NFATC1: variants seen among roughly 807,000 people sequenced by gnomAD.
NFATC1 encodes the protein nuclear factor of activated T cells 1, also known as nuclear factor of activated T-cells, cytoplasmic 1.
NFATC1 carries 22 observed loss-of-function variants against 76.0 expected under a neutral mutation model. That is an observed-to-expected ratio of 0.29 (90% CI 0.21 to 0.41). NFATC1 has a LOEUF of 0.41. Ranked by LOEUF, NFATC1 falls within the 10% of genes least tolerant of loss-of-function variation. The probability of loss-of-function intolerance (pLI) is 1.00; values close to 1 mark genes in which losing one functional copy is unlikely to be tolerated. For synonymous variants in NFATC1, 704 were observed against 613.1 expected (o/e 1.15, Z -2.19); for missense variants, 1,357 against 1,337.7 (o/e 1.01, Z -0.23).
At chr18:79,400,304 ACGCGGAGGACG>A (rs1416128218) in intron 1 of NFATC1, 1 of 1,273,966 alleles carries the variant, frequency 7.8e-7, no homozygotes, top group African/African-American at 1.6e-5. Flanking sequence ...GGGTCACGTT[ACGCGGAGGACG>A]CGCGGGCAGC....
At chr18:79,518,439 G>A (rs990796681) in intron 9 of NFATC1, among the ~76,000 whole-genome samples, 2 of 152,202 alleles carry the variant, frequency 1.3e-5, no homozygotes, top group African/African-American at 2.4e-5. Context: ...CATGTTTCGC[G>A]CTGCCTGCTT....
chr18:79,426,891 ATTTTGCCTAGGACC>A (rs1397072327), intron 2 of NFATC1, among the ~76,000 whole-genome samples: 1 of 152,322 alleles, frequency 6.6e-6, no homozygotes, highest in Non-Finnish European at 1.5e-5. Context: ...AGCGCCTTGC[ATTTTGCCTAGGACC>A]TTCTTAACTC....
chr18:79,508,137 G>A (rs1452021443), intron 9 of NFATC1, among the ~76,000 whole-genome samples: 1 of 152,216 alleles, frequency 6.6e-6, no homozygotes, highest in African/African-American at 2.4e-5. Flanking sequence ...TATTTTTGTG[G>A]ATTTCAGATT....
intron 1 of NFATC1, among the ~76,000 whole-genome samples, chr18:79,408,150 A>G (rs368895204): frequency 2.0e-5 from 3 of 152,332 alleles, no homozygotes; most frequent in East Asian, 3.9e-4. Context: ...TAGTAAATAC[A>G]GTGGGTTTGT....
chr18:79,513,117 G>C (rs560375568), intron 9 of NFATC1, among the ~76,000 whole-genome samples: 2 of 152,356 alleles, frequency 1.3e-5, no homozygotes, highest in African/African-American at 4.8e-5. Context: ...AGCACTGCCA[G>C]TATTTTAATT....
intron 9 of NFATC1, among the ~76,000 whole-genome samples, chr18:79,526,947 T>C (rs1367385303): frequency 6.6e-6 from 1 of 152,190 alleles, no homozygotes; most frequent in Non-Finnish European, 1.5e-5. Flanking sequence ...GCACATCCCC[T>C]ATCTCAGCGC....
At chr18:79,459,918 C>G (rs2087969953) in intron 6 of NFATC1, among the ~76,000 whole-genome samples, 1 of 152,178 alleles carries the variant, frequency 6.6e-6, no homozygotes, top group Non-Finnish European at 1.5e-5. Flanking sequence ...GTGAAAACGC[C>G]TCTTTCTTCC....
rs747430880 is a variant in NFATC1 at position 79,486,584 on chromosome 18, A to ACCC, written c.2431_2433dup (p.Pro811dup). 1.3e-6 allele frequency: 2 copies of ACCC among 1,589,594 alleles called. No homozygotes were observed. Among genetic ancestry groups the ACCC allele is most frequent in the South Asian group, 2.2e-5 (2 of 89,836 alleles). On this transcript the variant is annotated inframe_insertion, in exon 9 of 10. Coordinates refer to ENST00000427363, the MANE Select transcript of NFATC1 (RefSeq NM_001278669.2). ...GACGTGCCCAGGCCAGTGGCCACGC[A>ACCC]CCCCGGCTCGCCCGGGCAGCCACCC... is the stretch of plus-strand genomic sequence containing the variant.
intron 4 of NFATC1, among the ~76,000 whole-genome samples, chr18:79,449,780 G>T (rs545218566): frequency 9.9e-5 from 15 of 152,218 alleles, no homozygotes; most frequent in Admixed American, 6.5e-4. Flanking sequence ...CCGGGGGTGG[G>T]TGCAGAGGTC....
intron 2 of NFATC1, among the ~76,000 whole-genome samples, chr18:79,419,957 C>G (rs1410476766): frequency 6.6e-6 from 1 of 152,202 alleles, no homozygotes; most frequent in Non-Finnish European, 1.5e-5. Context: ...ATGGGATTTT[C>G]TTTTTTATAA....
chr18:79,443,573 T>G (rs1461570760), intron 3 of NFATC1, among the ~76,000 whole-genome samples: 2 of 152,164 alleles, frequency 1.3e-5, no homozygotes, highest in East Asian at 1.9e-4. Flanking sequence ...GAGAATCCAC[T>G]CAGCAGGCTT....
intron 8 of NFATC1, chr18:79,470,226 G>C (rs913805755): frequency 6.4e-6 from 1 of 155,082 alleles, no homozygotes. Flanking sequence ...GAGGCAGGAC[G>C]GGTGGGTGTG....
intron 8 of NFATC1, chr18:79,470,075 C>A: frequency 1.1e-6 from 1 of 942,786 alleles, no homozygotes; most frequent in Non-Finnish European, 1.3e-6. Context: ...GCAACCCCGG[C>A]TGGGTCTGAG....
chr18:79,523,938 T>A (rs2090681645), intron 9 of NFATC1: 1 of 152,200 alleles, frequency 6.6e-6, no homozygotes, highest in Non-Finnish European at 1.5e-5. Context: ...GAGGGTCACA[T>A]GCTACCTGCA....
intron 9 of NFATC1, among the ~76,000 whole-genome samples, chr18:79,494,835 G>GC (rs1210669940): frequency 5.8e-5 from 7 of 120,354 alleles, no homozygotes; most frequent in Admixed American, 5.7e-4. Context: ...GCGGGCACAC[G>GC]CCCCCCATGA....
At chr18:79,418,867 C>T (rs2085968609) in intron 2 of NFATC1, among the ~76,000 whole-genome samples, 1 of 152,128 alleles carries the variant, frequency 6.6e-6, no homozygotes, top group African/African-American at 2.4e-5. Context: ...GAGGAGGCTG[C>T]GGAGGCCGAG....
At chr18:79,494,474 C>T (rs2089808407) in intron 9 of NFATC1, among the ~76,000 whole-genome samples, 2 of 82,810 alleles carry the variant, frequency 2.4e-5, no homozygotes, top group South Asian at 1.2e-3. Context: ...CTGGTACCGC[C>T]GGGGGAAGGC....
chr18:79,410,142 G>A lies in NFATC1; in HGVS notation c.128-261G>A. ...CGCCTCTCCCTGGGAAGGACGTTCG[G>A]GGGCTTGTGCTGCTGTTAGGGGAGG... On this transcript the variant is annotated intron_variant, in intron 1 of 9. Coordinates refer to ENST00000427363, the MANE Select transcript of NFATC1 (RefSeq NM_001278669.2). This position sits in a 1 kb window ranked among gnomAD's most constrained non-coding sequence, Gnocchi z 6.7. The A allele has an allele frequency of 1.3e-6, 1 of 760,696 alleles. No homozygotes were observed. Among genetic ancestry groups the A allele is most frequent in the Non-Finnish European group, 2.4e-6 (1 of 417,544 alleles). The allele number at this position is 760,696 out of a possible 1,614,324, so 47.1% of individuals were successfully genotyped here. A position where few individuals can be genotyped will look rare whatever the true frequency, so the allele number is the denominator to read the frequency against.
intron 6 of NFATC1, 39 bp from the exon 7 acceptor site, chr18:79,461,272 C>A: frequency 6.2e-7 from 1 of 1,612,550 alleles, no homozygotes; most frequent in Non-Finnish European, 8.5e-7. Flanking sequence ...GGCTCCCCAC[C>A]ACACAGAGTC....
Sources: allele counts gnomAD v4.1 joint callset (sites outside exome capture counted in the v4.1 genomes callset), GRCh38; gene constraint gnomAD v4.1.1; non-coding constraint Gnocchi (gnomAD v3.1); transcripts MANE v1.5; gene names NCBI Gene and HGNC (gene_info 2026-07-23, HGNC 2026-07-21).